The following HACE1 variants were observed in gnomAD, a reference collection of about 807,000 sequenced individuals.
HACE1 encodes E3 ubiquitin-protein ligase HACE1.
HACE1 carries 73 observed loss-of-function variants against 118.4 expected under a neutral mutation model. That is an observed-to-expected ratio of 0.62 (90% confidence interval 0.51 to 0.75). The LOEUF is 0.75. HACE1 is among the 30% of genes least tolerant of loss of function. The probability of loss-of-function intolerance (pLI) is 0.00; values close to 1 mark genes in which losing one functional copy is unlikely to be tolerated. For synonymous variants in HACE1, 368 were observed against 374.8 expected (o/e 0.98, Z 0.21); for missense variants, 749 against 1,102.2 (o/e 0.68, Z 4.54).
chr6:104,757,188 C>T (rs6903422), intron 19 of HACE1, among the ~76,000 whole-genome samples: 16,696 of 152,200 alleles, frequency 0.11, 955 homozygotes, highest in Admixed American at 0.15. Context: ...AACATCCCTG[C>T]CTGACAGCTC....
At chr6:104,786,361 T>G (rs1042404398) in intron 11 of HACE1, 1 of 144,076 alleles carries the variant, frequency 6.9e-6, no homozygotes, top group African/African-American at 2.6e-5. Flanking sequence ...AAAAAAATAC[T>G]GAGTAGCAAA....
chr6:104,764,141 G>C (rs968558375), intron 19 of HACE1, among the ~76,000 whole-genome samples: 2 of 152,268 alleles, frequency 1.3e-5, no homozygotes, highest in East Asian at 3.9e-4. Flanking sequence ...GTGGCACTGT[G>C]ATCTTGGTTC....
intron 19 of HACE1, among the ~76,000 whole-genome samples, chr6:104,765,745 T>G (rs1582359973): frequency 6.6e-6 from 1 of 152,256 alleles, no homozygotes; most frequent in South Asian, 2.1e-4. Context: ...AAGTGTTCAC[T>G]GTTAGGCTGA....
intron 10 of HACE1, among the ~76,000 whole-genome samples, chr6:104,794,379 G>A (rs1783387594): frequency 6.6e-6 from 1 of 152,016 alleles, no homozygotes; most frequent in Non-Finnish European, 1.5e-5. Flanking sequence ...GGTATTATAG[G>A]GTACTTAAAA....
intron 20 of HACE1, among the ~76,000 whole-genome samples, chr6:104,748,773 A>G (rs1040967417): frequency 6.6e-6 from 1 of 152,232 alleles, no homozygotes; most frequent in Non-Finnish European, 1.5e-5. Flanking sequence ...TATGATTCCC[A>G]CAAACAAAAA....
intron 6 of HACE1, among the ~76,000 whole-genome samples, chr6:104,830,476 C>T (rs540251735): frequency 8.5e-5 from 13 of 152,098 alleles, no homozygotes; most frequent in South Asian, 4.1e-4. Context: ...TTTCCAACAC[C>T]ATATTAAACA....
chr6:104,751,296 A>G (rs1031986298), intron 19 of HACE1, among the ~76,000 whole-genome samples: 3 of 152,236 alleles, frequency 2.0e-5, no homozygotes, highest in Admixed American at 2.0e-4. Context: ...TTCAAAAAAT[A>G]TGTGAAGAAT....
intron 11 of HACE1, among the ~76,000 whole-genome samples, chr6:104,790,425 T>C (rs1282216903): frequency 6.6e-6 from 1 of 152,208 alleles, no homozygotes; most frequent in Non-Finnish European, 1.5e-5. Flanking sequence ...TTTTGATAAA[T>C]AACCTATATT....
At chr6:104,765,768 T>C (rs764323737) in intron 19 of HACE1, among the ~76,000 whole-genome samples, 1 of 152,230 alleles carries the variant, frequency 6.6e-6, no homozygotes, top group Non-Finnish European at 1.5e-5. Flanking sequence ...AATCCACTCT[T>C]TAAATACACA....
At chr6:104,854,157 G>T (rs974127337) in intron 1 of HACE1, among the ~76,000 whole-genome samples, 11 of 152,028 alleles carry the variant, frequency 7.2e-5, no homozygotes, top group African/African-American at 2.4e-4. Context: ...CCAAATTAAA[G>T]GGAATTCCAC....
At chr6:104,752,667 T>C (rs1778188804) in intron 19 of HACE1, among the ~76,000 whole-genome samples, 1 of 152,102 alleles carries the variant, frequency 6.6e-6, no homozygotes, top group Non-Finnish European at 1.5e-5. Context: ...TTAATTGCAT[T>C]CCATATCTAT....
chr6:104,827,092 A>G (rs1773413825), intron 6 of HACE1, among the ~76,000 whole-genome samples: 2 of 152,112 alleles, frequency 1.3e-5, no homozygotes, highest in Admixed American at 1.3e-4. Flanking sequence ...GGTCAATCTC[A>G]AGTCATTTAA....
intron 4 of HACE1, among the ~76,000 whole-genome samples, chr6:104,847,288 T>G (rs1366496260): frequency 6.6e-6 from 1 of 152,212 alleles, no homozygotes; most frequent in Non-Finnish European, 1.5e-5. Flanking sequence ...AACAGAGTAC[T>G]ATGATATTTT....
At position 104,738,355 on chromosome 6, in the gene HACE1, C is replaced by T. The variant is rs868345307; in HGVS notation, c.2513+5805G>A. ...TGAGCTGAGAGAAGAAGGCTTCAGA[C>T]GATCAAATTACTCTGAGCTACGGGA... On this transcript the variant is annotated intron_variant, in intron 22 of 23. Transcript: ENST00000262903. Among the ~76,000 whole-genome samples, 1,362 of 148,726 alleles carry T rather than the reference C, an allele frequency of 9.2e-3. 7 individuals are homozygous for T. The highest frequency in any genetic ancestry group is 0.032 in the African/African-American group (1,303 of 40,188).
At chr6:104,753,192 G>A (rs990853202) in intron 19 of HACE1, among the ~76,000 whole-genome samples, 1 of 152,158 alleles carries the variant, frequency 6.6e-6, no homozygotes, top group Non-Finnish European at 1.5e-5. Flanking sequence ...TTCATGTTGT[G>A]TAGAAATACA....
At chr6:104,859,079 C>T (rs1777036479) in intron 1 of HACE1, among the ~76,000 whole-genome samples, 1 of 152,184 alleles carries the variant, frequency 6.6e-6, no homozygotes. Flanking sequence ...TTTGACAACC[C>T]TTTGTTTGCC....
At chr6:104,793,948 A>G (rs930527502) in intron 10 of HACE1, among the ~76,000 whole-genome samples, 1 of 152,224 alleles carries the variant, frequency 6.6e-6, no homozygotes, top group Non-Finnish European at 1.5e-5. Flanking sequence ...AGTTTAGCAG[A>G]GTAATTTTTT....
At chr6:104,806,090 T>C (rs1770964233) in intron 7 of HACE1, among the ~76,000 whole-genome samples, 2 of 152,152 alleles carry the variant, frequency 1.3e-5, no homozygotes, top group African/African-American at 4.8e-5. Context: ...AATACTACTA[T>C]AACATTTTTA....
chr6:104,800,798 G>A (rs370975078), intron 7 of HACE1, among the ~76,000 whole-genome samples: 3 of 152,156 alleles, frequency 2.0e-5, no homozygotes, highest in Admixed American at 6.5e-5. Flanking sequence ...AAAAACCAGA[G>A]CACCTCTTCT....
Sources: gnomAD v4.1 joint callset for allele counts (sites outside exome capture counted in the v4.1 genomes callset) on GRCh38, gnomAD v4.1.1 for gene constraint, MANE v1.5 for transcripts, NCBI Gene and HGNC (gene_info 2026-07-23, HGNC 2026-07-21) for gene names.